NRBF2: variants seen among roughly 807,000 people sequenced by gnomAD.
The protein encoded by NRBF2 is nuclear receptor binding factor 2.
In NRBF2, 12 loss-of-function variants were observed where a neutral mutation model predicts 28.5. The ratio of observed to expected loss-of-function variants is 0.42; its 90% CI spans 0.27 to 0.68. The LOEUF is 0.68. NRBF2 is among the 30% of genes least tolerant of loss of function. The pLI, the probability that NRBF2 is intolerant of heterozygous loss-of-function variation, is 0.24. For missense variants in NRBF2, 274 were observed against 333.5 expected (o/e 0.82, Z 1.39); for synonymous variants, 102 against 116.5 (o/e 0.88, Z 0.80).
intron 1 of NRBF2, among the ~76,000 whole-genome samples, chr10:63,133,776 T>A (rs1286254672): frequency 6.6e-6 from 1 of 152,106 alleles, no homozygotes; most frequent in Admixed American, 6.5e-5. Context: ...GGCTGCCACC[T>A]CCTCTCTGGC....
At position 63,133,357 on chromosome 10, in the gene NRBF2, G is replaced by A. The variant is rs180982791; in HGVS notation, c.-114G>A. The A allele has an allele frequency of 5.6e-6, 7 of 1,248,590 alleles. No individual in the cohort carries two copies. The highest frequency in any genetic ancestry group is 8.0e-6 in the Non-Finnish European group (7 of 875,448). The allele number at this position is 1,248,590 out of a possible 1,614,324, so 77.3% of individuals were successfully genotyped here. A position where few individuals can be genotyped will look rare whatever the true frequency, so the allele number is the denominator to read the frequency against. ...CTTCAGCGCCTATCGCTGGCTCTTG[G>A]GGCGCAGAGAGGGGCCGCAGTCTCC... On this transcript the variant is annotated 5_prime_UTR_variant, in exon 1 of 4. Transcript: ENST00000277746.
intron 2 of NRBF2, among the ~76,000 whole-genome samples, chr10:63,148,612 TTC>T (rs1841600142): frequency 6.6e-6 from 1 of 152,196 alleles, no homozygotes; most frequent in African/African-American, 2.4e-5. Flanking sequence ...TCAGAGGAGA[TTC>T]TGAGACTAAA....
At chr10:63,152,104 A>C (rs375131627) in intron 2 of NRBF2, 46 bp from the exon 3 acceptor site, 55 of 1,442,758 alleles carry the variant, frequency 3.8e-5, no homozygotes, top group Non-Finnish European at 5.2e-5. Flanking sequence ...CCTGTTAATT[A>C]CAAAATGAAG....
In NRBF2 at chr10:63,154,442, G is replaced by A. The variant is rs1211360314; in HGVS notation, c.*224G>A. ...AGCTAATGATTCCGACTTGGCAGAC[G>A]CTAAACTCATGGAGGTTCGGTTTCT... On this transcript the variant is annotated 3_prime_UTR_variant, in exon 4 of 4. Transcript: ENST00000277746. The A allele has an allele frequency of 3.5e-5, 14 of 405,218 alleles. No individual in the cohort carries two copies. The highest frequency in any genetic ancestry group is 5.3e-5 in the South Asian group (1 of 18,706). 25.1% of individuals were successfully genotyped at this position (405,218 alleles called of 1,614,324 possible). A position where few individuals can be genotyped will look rare whatever the true frequency, so the allele number is the denominator to read the frequency against.
At chr10:63,134,409 C>T (rs1841343503) in intron 1 of NRBF2, among the ~76,000 whole-genome samples, 1 of 152,118 alleles carries the variant, frequency 6.6e-6, no homozygotes, top group African/African-American at 2.4e-5. Context: ...AATTCATTTG[C>T]GATGGTGGAA....
chr10:63,140,731 C>T (rs1186485588), intron 1 of NRBF2, among the ~76,000 whole-genome samples: 2 of 149,844 alleles, frequency 1.3e-5, no homozygotes, highest in Non-Finnish European at 3.0e-5. Context: ...GATGGAGTCT[C>T]ACTCTGTCAC....
intron 1 of NRBF2, among the ~76,000 whole-genome samples, chr10:63,135,668 G>C (rs1016108881): frequency 7.2e-6 from 1 of 138,862 alleles, no homozygotes; most frequent in Non-Finnish European, 1.5e-5. Flanking sequence ...TTTTTTTTGA[G>C]ATGGAGTCTC....
rs1001534706 is a variant in NRBF2, at chr10:63,154,420, T to C, written c.*202T>C. Reference sequence around the variant, plus strand: ...GCGTATCTCATTCACTCACTTCAGCTAATGATTCCGACTTGGCAGACGCTA... The same window carrying C: ...GCGTATCTCATTCACTCACTTCAGCCAATGATTCCGACTTGGCAGACGCTA... On this transcript the variant is annotated 3_prime_UTR_variant, in exon 4 of 4. Transcript: ENST00000277746. 27 of 461,040 alleles carry C rather than the reference T, an allele frequency of 5.9e-5. No individual in the cohort carries two copies. The highest frequency in any genetic ancestry group is 9.6e-5 in the Non-Finnish European group (25 of 261,524). The allele number at this position is 461,040 out of a possible 1,614,324, so 28.6% of individuals were successfully genotyped here. A position where few individuals can be genotyped will look rare whatever the true frequency, so the allele number is the denominator to read the frequency against.
At chr10:63,152,283 C>A in intron 3 of NRBF2, 93 bp downstream of exon 3, 2 of 927,718 alleles carry the variant, frequency 2.2e-6, no homozygotes, top group Non-Finnish European at 3.4e-6. Context: ...GTGTCCCTCT[C>A]AAAATGCTAT....
At chr10:63,134,995 C>T (rs1841353510) in intron 1 of NRBF2, among the ~76,000 whole-genome samples, 1 of 152,204 alleles carries the variant, frequency 6.6e-6, no homozygotes, top group Non-Finnish European at 1.5e-5. Flanking sequence ...CGAGACCAGC[C>T]TGGGCAACAT....
At chr10:63,135,552 G>A (rs1350465533) in intron 1 of NRBF2, among the ~76,000 whole-genome samples, 1 of 151,720 alleles carries the variant, frequency 6.6e-6, no homozygotes, top group Non-Finnish European at 1.5e-5. Context: ...AACGGAGCGA[G>A]TTTCGACAGA....
intron 1 of NRBF2, among the ~76,000 whole-genome samples, chr10:63,139,695 G>A (rs1841433295): frequency 6.6e-6 from 1 of 152,158 alleles, no homozygotes; most frequent in Admixed American, 6.6e-5. Context: ...TTTCAGGCTT[G>A]TCTGCTTCAC....
At chr10:63,146,505 A>G (rs973149830) in intron 2 of NRBF2, among the ~76,000 whole-genome samples, 2 of 152,248 alleles carry the variant, frequency 1.3e-5, no homozygotes, top group South Asian at 4.1e-4. Flanking sequence ...TGTGGTAAAC[A>G]GTTCCTGGAT....
At chr10:63,137,145 A>G (rs1841389715) in intron 1 of NRBF2, among the ~76,000 whole-genome samples, 2 of 152,108 alleles carry the variant, frequency 1.3e-5, no homozygotes, top group Admixed American at 1.3e-4. Context: ...TAATTTTTTC[A>G]AAAACTTTTT....
rs192993831 is a variant in NRBF2, at chr10:63,147,982, A to G, written c.115+1689A>G. 7.0e-3 allele frequency among the ~76,000 whole-genome samples: 1,059 copies of G among 152,308 alleles called. 5 individuals are homozygous for G. The highest frequency in any genetic ancestry group is 9.8e-3 in the Non-Finnish European group (670 of 68,028). The stretch of plus-strand genomic sequence containing the variant: ...ATTGTTAAATCTGTAGTCACTACAA[A>G]GACGATGTACCATGTTTAACTATTT... On this transcript the variant is annotated intron_variant, in intron 2 of 3. Coordinates refer to ENST00000277746, the MANE Select transcript of NRBF2 (RefSeq NM_030759.5).
chr10:63,150,310 A>C (rs749488540), intron 2 of NRBF2: 6 of 889,376 alleles, frequency 6.7e-6, no homozygotes, highest in Non-Finnish European at 8.1e-6. Context: ...CTGTACAGAC[A>C]TACTACAGGA....
Position 63,133,355 on chromosome 10 carries a change from T to C in NRBF2, c.-116T>C, listed in dbSNP as rs537136850. On this transcript the variant is annotated 5_prime_UTR_variant, in exon 1 of 4. Transcript: ENST00000277746. ...TCCTTCAGCGCCTATCGCTGGCTCT[T>C]GGGGCGCAGAGAGGGGCCGCAGTCT... 27 of 1,238,386 alleles carry C rather than the reference T, an allele frequency of 2.2e-5. No individual in the cohort carries two copies. In the East Asian group the frequency reaches 4.6e-4, roughly 21 times the overall value. 76.7% of individuals were successfully genotyped at this position (1,238,386 alleles called of 1,614,324 possible).
intron 1 of NRBF2, among the ~76,000 whole-genome samples, chr10:63,141,009 G>T (rs1215565303): frequency 1.3e-5 from 2 of 152,172 alleles, no homozygotes; most frequent in South Asian, 4.1e-4. Flanking sequence ...TCAGCCTAGT[G>T]CTTTTAATGG....
At chr10:63,133,537 G>A (rs1841321666) in intron 1 of NRBF2, 37 bp downstream of exon 1, 1 of 1,520,310 alleles carries the variant, frequency 6.6e-7, no homozygotes. Flanking sequence ...CGTCTTGGGT[G>A]CCTTTGCCTC....
Sources: gnomAD v4.1 joint callset for allele counts (sites outside exome capture counted in the v4.1 genomes callset) on GRCh38, gnomAD v4.1.1 for gene constraint, MANE v1.5 for transcripts, NCBI Gene and HGNC (gene_info 2026-07-23, HGNC 2026-07-21) for gene names.